Variants in DAB1 observed in about 807,000 individuals in gnomAD.
The protein encoded by DAB1 is DAB adaptor protein 1, also known as disabled homolog 1.
A neutral mutation model predicts 64.6 loss-of-function variants in DAB1; 15 were observed. That is an observed-to-expected ratio of 0.23 (90% CI 0.16 to 0.36). The LOEUF is 0.36. DAB1 is among the 10% of genes least tolerant of loss of function. DAB1 has a pLI of 1.00. For synonymous variants in DAB1, 235 were observed against 251.9 expected, an observed-to-expected ratio of 0.93 and a Z score of 0.64; for missense variants, 596 against 706.7, an observed-to-expected ratio of 0.84 and a Z score of 1.78.
At chr1:58,455,752 T>C (rs1645187438) in intron 3 of DAB1, among the ~76,000 whole-genome samples, 1 of 152,258 alleles carries the variant, frequency 6.6e-6, no homozygotes, top group Non-Finnish European at 1.5e-5. Context: ...ATATATCCTC[T>C]AATTGGATAT....
At position 57,960,873 on chromosome 1, in the gene DAB1, G is replaced by A. The variant is rs78933164; in HGVS notation, n.388-76711C>T. Reference sequence around the variant, plus strand: ...CCTCAACCCTTAGGAGCTTGCAGAGGAGCCAGAGAACCAGGCATGCAAACA... The same window carrying A: ...CCTCAACCCTTAGGAGCTTGCAGAGAAGCCAGAGAACCAGGCATGCAAACA... On this transcript the variant is annotated intron_variant and non_coding_transcript_variant, in intron 5 of 20. Coordinates refer to the DAB1 transcript ENST00000485760. 9.2e-3 allele frequency among the ~76,000 whole-genome samples: 1,395 copies of A among 152,346 alleles called. 42 individuals are homozygous for A. Among genetic ancestry groups the A allele is most frequent in the East Asian group, 0.082 (426 of 5,184 alleles).
chr1:57,036,102 C>A (rs930259265), intron 9 of DAB1, among the ~76,000 whole-genome samples: 2 of 129,644 alleles, frequency 1.5e-5, no homozygotes, highest in Non-Finnish European at 3.2e-5. Flanking sequence ...CCAAGCCCAG[C>A]CCCAATGCAC....
intron 4 of DAB1, among the ~76,000 whole-genome samples, chr1:57,099,486 T>C (rs943652136): frequency 7.9e-5 from 12 of 152,334 alleles, no homozygotes; most frequent in African/African-American, 2.6e-4. Context: ...GAAACACTAA[T>C]AGTGTAAGCT....
intron 1 of DAB1, among the ~76,000 whole-genome samples, chr1:57,367,523 A>G (rs150518321): frequency 1.2e-3 from 188 of 152,280 alleles, no homozygotes; most frequent in African/African-American, 4.3e-3. Flanking sequence ...AGAATCAATC[A>G]GCAAAGGGCA....
intron 2 of DAB1, among the ~76,000 whole-genome samples, chr1:57,233,797 T>G (rs1201012114): frequency 6.6e-6 from 1 of 151,714 alleles, no homozygotes; most frequent in African/African-American, 2.4e-5. Context: ...TGCTGCCAGG[T>G]GAGTGGTACG....
At chr1:57,538,609 C>A (rs1240412217) in intron 7 of DAB1, among the ~76,000 whole-genome samples, 2 of 152,194 alleles carry the variant, frequency 1.3e-5, no homozygotes, top group East Asian at 3.9e-4. Flanking sequence ...CAGCTACCTT[C>A]TCTACCTTGA....
intron 6 of DAB1, among the ~76,000 whole-genome samples, chr1:57,719,847 G>A (rs1647130001): frequency 6.6e-6 from 1 of 152,094 alleles, no homozygotes; most frequent in Non-Finnish European, 1.5e-5. Flanking sequence ...GAGATTTGAA[G>A]GAAACTAAGA....
chr1:57,180,581 C>A (rs1662808570), intron 2 of DAB1, among the ~76,000 whole-genome samples: 1 of 152,124 alleles, frequency 6.6e-6, no homozygotes, highest in South Asian at 2.1e-4. Flanking sequence ...CTAAGATAGT[C>A]TTCTACTAGC....
chr1:57,218,300 C>T (rs1666577772), intron 2 of DAB1, among the ~76,000 whole-genome samples: 1 of 151,966 alleles, frequency 6.6e-6, no homozygotes, highest in Non-Finnish European at 1.5e-5. Context: ...TCTCAAAATC[C>T]CACCTTAAGG....
At chr1:57,083,859 C>T (rs188166959) in intron 4 of DAB1, among the ~76,000 whole-genome samples, 5 of 152,266 alleles carry the variant, frequency 3.3e-5, no homozygotes, top group South Asian at 2.1e-4. Context: ...GTGCTACTTT[C>T]GTTAACTTGG....
At chr1:58,083,165 G>T (rs970313410) in intron 5 of DAB1, among the ~76,000 whole-genome samples, 3 of 152,052 alleles carry the variant, frequency 2.0e-5, no homozygotes, top group African/African-American at 4.8e-5. Flanking sequence ...ATAAAGGCAC[G>T]TCAGCTGATC....
chr1:57,981,053 A>G (rs1321762824), intron 5 of DAB1, among the ~76,000 whole-genome samples: 3 of 152,106 alleles, frequency 2.0e-5, no homozygotes, highest in Non-Finnish European at 2.9e-5. Flanking sequence ...ATACATAAAT[A>G]GAAGTATTTA....
intron 5 of DAB1, among the ~76,000 whole-genome samples, chr1:58,104,244 A>C (rs1651504831): frequency 6.6e-6 from 1 of 152,188 alleles, no homozygotes; most frequent in African/African-American, 2.4e-5. Flanking sequence ...TGGACCCTCA[A>C]TTAGTATTTA....
At chr1:57,209,474 C>T (rs915508376) in intron 2 of DAB1, among the ~76,000 whole-genome samples, 6 of 152,178 alleles carry the variant, frequency 3.9e-5, no homozygotes, top group Non-Finnish European at 8.8e-5. Context: ...ATAAGTTGTG[C>T]TTGCTGCTGT....
At chr1:57,628,968 C>T (rs947927521) in intron 7 of DAB1, among the ~76,000 whole-genome samples, 2 of 152,202 alleles carry the variant, frequency 1.3e-5, no homozygotes, top group African/African-American at 4.8e-5. Context: ...ATTGAATGCA[C>T]ATTAACTTAA....
intron 7 of DAB1, among the ~76,000 whole-genome samples, chr1:57,637,888 A>T (rs1570694967): frequency 6.6e-6 from 1 of 152,330 alleles, no homozygotes; most frequent in East Asian, 1.9e-4. Context: ...TAGGGAAATG[A>T]CTAAATGAAT....
At chr1:57,666,378 G>A (rs910719923) in intron 6 of DAB1, among the ~76,000 whole-genome samples, 1 of 152,102 alleles carries the variant, frequency 6.6e-6, no homozygotes. Flanking sequence ...ACAACAAATT[G>A]GGGCCAAATG....
At chr1:57,107,588 A>G (rs1031762855) in intron 4 of DAB1, among the ~76,000 whole-genome samples, 2 of 151,994 alleles carry the variant, frequency 1.3e-5, no homozygotes, top group African/African-American at 2.4e-5. Context: ...CTGTGGAAAA[A>G]AGCTTGGATC....
At position 58,102,739 on chromosome 1, in the gene DAB1, A is replaced by T. The variant is rs17116941; in HGVS notation, n.387+47772T>A. Among the ~76,000 whole-genome samples the T allele has an allele frequency of 9.0e-3, 1,369 of 152,334 alleles. 21 individuals are homozygous for T. The highest frequency in any genetic ancestry group is 0.031 in the African/African-American group (1,307 of 41,570). On this transcript the variant is annotated intron_variant and non_coding_transcript_variant, in intron 5 of 20. Transcript: ENST00000485760. ...TGAATTAGAATATATGCTATGTGAT[A>T]AAAAATGTACTGAAAAGCTTGGTAA...
Sources: gnomAD v4.1 joint callset for allele counts (sites outside exome capture counted in the v4.1 genomes callset) on GRCh38, gnomAD v4.1.1 for gene constraint, MANE v1.5 for transcripts, NCBI Gene and HGNC (gene_info 2026-07-23, HGNC 2026-07-21) for gene names.